FRMPD2: variants seen among roughly 807,000 people sequenced by gnomAD.
The protein encoded by FRMPD2 is FERM and PDZ domain containing 2.
A neutral mutation model predicts 140.1 loss-of-function variants in FRMPD2; 96 were observed. The ratio of observed to expected loss-of-function variants is 0.69; its 90% confidence interval spans 0.58 to 0.81. FRMPD2 has a LOEUF of 0.81. Ranked by LOEUF, FRMPD2 falls within the 40% of genes least tolerant of loss-of-function variation. The pLI is 0.00. For missense variants in FRMPD2, 1,240 were observed against 1,447.4 expected (o/e 0.86, Z 2.32); for synonymous variants, 449 against 547.6 (o/e 0.82, Z 2.52).
intron 7 of FRMPD2, among the ~76,000 whole-genome samples, 161 bp from the exon 8 acceptor site, chr10:48,238,284 G>A (rs1840018183): frequency 6.6e-6 from 1 of 152,196 alleles, no homozygotes; most frequent in African/African-American, 2.4e-5. Flanking sequence ...TTTCAAGTGG[G>A]GGAAGCTGAG....
chr10:48,176,576 T>C (rs1171322696), intron 22 of FRMPD2, among the ~76,000 whole-genome samples: 2 of 151,712 alleles, frequency 1.3e-5, no homozygotes, highest in East Asian at 3.9e-4. Context: ...GAGTGAGACA[T>C]TTCAAGAATT....
chr10:48,209,802 T>G (rs1478870859), intron 13 of FRMPD2, among the ~76,000 whole-genome samples: 1 of 152,222 alleles, frequency 6.6e-6, no homozygotes, highest in African/African-American at 2.4e-5. Context: ...CAGCTAAGAT[T>G]TATATGGAAA....
chr10:48,268,606 G>C (rs1166802284), intron 1 of FRMPD2, among the ~76,000 whole-genome samples: 1 of 152,200 alleles, frequency 6.6e-6, no homozygotes, highest in Non-Finnish European at 1.5e-5. Context: ...GCAACAGCTT[G>C]ATTAGATCTC....
At chr10:48,240,272 C>T in intron 6 of FRMPD2, 88 bp downstream of exon 6, 1 of 1,425,408 alleles carries the variant, frequency 7.0e-7, no homozygotes, top group South Asian at 1.3e-5. Flanking sequence ...TCTGCCATCA[C>T]AATGTGGATG....
At chr10:48,222,204 A>G in intron 12 of FRMPD2, 109 bp downstream of exon 12, 1 of 1,071,234 alleles carries the variant, frequency 9.3e-7, no homozygotes. Context: ...TCTAGCTGGT[A>G]GATGCTAACA....
intron 1 of FRMPD2, among the ~76,000 whole-genome samples, chr10:48,263,120 A>C (rs113334285): frequency 6.6e-6 from 1 of 152,218 alleles, no homozygotes; most frequent in Non-Finnish European, 1.5e-5. Context: ...TAACTAAACA[A>C]AAATGAAAAT....
intron 4 of FRMPD2, among the ~76,000 whole-genome samples, chr10:48,244,269 G>T (rs1307218335): frequency 6.6e-6 from 1 of 152,224 alleles, no homozygotes; most frequent in Non-Finnish European, 1.5e-5. Flanking sequence ...ATAGGCGTGA[G>T]CCACCATGGC....
intron 1 of FRMPD2, among the ~76,000 whole-genome samples, chr10:48,269,013 A>C (rs888862668): frequency 1.3e-5 from 2 of 152,222 alleles, no homozygotes; most frequent in Non-Finnish European, 2.9e-5. Context: ...GAGAAAATAT[A>C]TATAATGGCA....
At chr10:48,262,012 G>A (rs1840600442) in intron 1 of FRMPD2, among the ~76,000 whole-genome samples, 1 of 152,212 alleles carries the variant, frequency 6.6e-6, no homozygotes, top group Non-Finnish European at 1.5e-5. Context: ...TACAACTAGA[G>A]AAGGCAGAAA....
At chr10:48,206,531 A>T (rs1328206389) in intron 14 of FRMPD2, among the ~76,000 whole-genome samples, 1 of 152,176 alleles carries the variant, frequency 6.6e-6, no homozygotes, top group Non-Finnish European at 1.5e-5. Context: ...AAGGAATGTT[A>T]GGGAAGAAAT....
At chr10:48,268,399 C>T (rs909956831) in intron 1 of FRMPD2, among the ~76,000 whole-genome samples, 1 of 151,880 alleles carries the variant, frequency 6.6e-6, no homozygotes, top group Non-Finnish European at 1.5e-5. Context: ...TGCACTTATC[C>T]CAGAGGAAAA....
chr10:48,248,636 T>C (rs1840306827), intron 3 of FRMPD2: 1 of 155,294 alleles, frequency 6.4e-6, no homozygotes, highest in Non-Finnish European at 1.4e-5. Context: ...ACTTGTGCCT[T>C]AGAATAAATT....
intron 28 of FRMPD2, chr10:48,159,159 C>A (rs1368277066): frequency 4.4e-6 from 2 of 456,290 alleles, no homozygotes; most frequent in Non-Finnish European, 8.8e-6. Flanking sequence ...CTCCATTAGC[C>A]CTGATGACAC....
intron 13 of FRMPD2, 129 bp from the exon 14 acceptor site, chr10:48,207,062 G>T: frequency 1.3e-6 from 1 of 778,386 alleles, no homozygotes; most frequent in Non-Finnish European, 1.9e-6. Flanking sequence ...TGTCATGTAA[G>T]TTTAGGAAAC....
At chr10:48,204,848 A>G (rs1588828257) in intron 14 of FRMPD2, among the ~76,000 whole-genome samples, 2 of 152,198 alleles carry the variant, frequency 1.3e-5, no homozygotes, top group Non-Finnish European at 2.9e-5. Flanking sequence ...ACTAGCATGC[A>G]TAGGTTTATT....
At chr10:48,261,796 A>G (rs1240045695) in intron 1 of FRMPD2, among the ~76,000 whole-genome samples, 1 of 152,264 alleles carries the variant, frequency 6.6e-6, no homozygotes, top group Admixed American at 6.5e-5. Flanking sequence ...TGCCTTATAA[A>G]TAAGTAAAAT....
In FRMPD2 at chr10:48,242,181, C is replaced by T. The variant is rs535951292; in HGVS notation, c.547G>A (p.Val183Ile). 256 of 1,613,250 alleles carry T rather than the reference C, an allele frequency of 1.6e-4. 3 individuals are homozygous for T. The South Asian group carries it at 2.7e-3, about 17-fold the overall frequency. The change falls in exon 5 of 29, where the codon GTT (valine) becomes ATT (isoleucine). Residue 183 changes from valine (V) to isoleucine (I), a missense_variant. Val to Ile is a conservative substitution (Grantham distance 29). Around this residue, in one of 6 missense-constraint regions of FRMPD2, gnomAD observed 1,161 missense variants for 1,055.9 expected, o/e 1.10. Transcript: ENST00000374201. Reference protein sequence around the residue: ...GLHIRRLVGLVLGTISEVEKR... With the variant: ...GLHIRRLVGLILGTISEVEKR... ...CTGACCTCAGAAATGGTACCCAGAA[C>T]CAAGCCAACCAGCCTTCTGATGTGG... is the stretch of plus-strand genomic sequence containing the variant.
At chr10:48,228,329 A>G (rs574412799) in intron 10 of FRMPD2, among the ~76,000 whole-genome samples, 6 of 151,988 alleles carry the variant, frequency 3.9e-5, no homozygotes, top group Admixed American at 3.3e-4. Flanking sequence ...ATATCTACTT[A>G]AAATGGTTTA....
rs116034209 is a variant in FRMPD2, at chr10:48,212,053, G to T, written c.1512C>A (p.Ile504=). The T allele has an allele frequency of 1.9e-6, 3 of 1,614,022 alleles. No individual in the cohort carries two copies. Among genetic ancestry groups the T allele is most frequent in the South Asian group, 1.1e-5 (1 of 91,068 alleles). ...HVEDYIPASL[I]ERMTALRVQV... is the part of the protein sequence containing the mutation. ...GGACCCGTAGAGCGGTCATCCTCTC[G>T]ATCAGACTCGCTGGGATGTAATCTT... The change falls in exon 13 of 29, where the codon ATC becomes ATA. Residue 504 remains isoleucine (I), a synonymous_variant. Transcript: ENST00000374201.
Sources: allele counts gnomAD v4.1 joint callset (sites outside exome capture counted in the v4.1 genomes callset), GRCh38; gene constraint gnomAD v4.1.1; regional missense constraint gnomAD v4.1.1; transcripts MANE v1.5; gene names NCBI Gene and HGNC (gene_info 2026-07-23, HGNC 2026-07-21).